WIZ: variants seen among roughly 807,000 people sequenced by gnomAD.
WIZ encodes the protein WIZ zinc finger.
Under a neutral mutation model 140.2 loss-of-function variants are expected in WIZ, and 25 were observed. The ratio of observed to expected loss-of-function variants is 0.18; its 90% CI spans 0.13 to 0.25. WIZ has a LOEUF of 0.25. Among genes scored for constraint, WIZ ranks in the 10% least tolerant of loss-of-function variants. WIZ has a pLI of 1.00. For synonymous variants in WIZ, 1,125 were observed against 1,154.3 expected (o/e 0.97, Z 0.51); for missense variants, 2,231 against 2,632.6 (o/e 0.85, Z 3.34).
intron 5 of WIZ, chr19:15,433,098 C>T (rs916731795): frequency 6.8e-6 from 2 of 292,840 alleles, no homozygotes; most frequent in Admixed American, 6.5e-5. Context: ...TAGGACCTGC[C>T]CTAGGACCCT....
rs1054025671 is a variant in WIZ at position 15,442,048 on chromosome 19, A to C, written c.278+628T>G. 2.0e-5 allele frequency among the ~76,000 whole-genome samples: 3 copies of C among 152,128 alleles called. No homozygotes were observed. The highest frequency in any genetic ancestry group is 7.2e-5 in the African/African-American group (3 of 41,422). ...CTAAAAATACAAAAACTATCTGGGC[A>C]TGGTGGCAGGTGCCTATAATCCCAG... On this transcript the variant is annotated intron_variant, in intron 3 of 12. Coordinates refer to ENST00000673675, the MANE Select transcript of WIZ (RefSeq NM_001371589.1). The surrounding 1 kb of genome is among the most constrained non-coding windows in gnomAD (Gnocchi z 5.5).
At chr19:15,447,518 G>A (rs1328042944) in intron 2 of WIZ, among the ~76,000 whole-genome samples, 3 of 152,248 alleles carry the variant, frequency 2.0e-5, no homozygotes, top group African/African-American at 7.2e-5. Context: ...GTTTACAGCT[G>A]TCTTCCCAGT....
Position 15,425,694 on chromosome 19 carries a change from A to C in WIZ, c.4441T>G (p.Ser1481Ala), listed in dbSNP as rs1599651404. 5 of 1,612,570 alleles carry C rather than the reference A, an allele frequency of 3.1e-6. No homozygotes were observed. Among genetic ancestry groups the C allele is most frequent in the Non-Finnish European group, 4.2e-6 (5 of 1,179,714 alleles). Residue 1481 changes from serine to alanine, a missense_variant, in exon 10 of 13, where the codon TCG becomes GCG. This residue lies in a region of WIZ where 393 missense variants were observed against 451.7 expected (regional missense o/e 0.87). Coordinates refer to ENST00000673675, the MANE Select transcript of WIZ (RefSeq NM_001371589.1). ...GEFFENRKGL[S>A]SHARSHLRQM... ...CGCAGGTGTGAGCGCGCGTGACTCG[A>C]CAGGCCCTTGCGGTTCTCGAAGAAC...
In WIZ at chr19:15,442,887, C is replaced by A; in HGVS notation, c.206-139G>T. The A allele has an allele frequency of 2.3e-6, 1 of 440,646 alleles. No homozygotes were observed. Among genetic ancestry groups the A allele is most frequent in the Non-Finnish European group, 3.8e-6 (1 of 265,400 alleles). 27.3% of individuals were successfully genotyped at this position (440,646 alleles called of 1,614,324 possible). A position where few individuals can be genotyped will look rare whatever the true frequency, so the allele number is the denominator to read the frequency against. ...TTCCTCTCCCTGAGAGGCCCGTGGC[C>A]TCTGTGGTCCTGAGCCCTGAAAGGG... On this transcript the variant is annotated intron_variant, in intron 2 of 12. Transcript: ENST00000673675. This position sits in a 1 kb window ranked among gnomAD's most constrained non-coding sequence, Gnocchi z 5.5.
Position 15,442,538 on chromosome 19 carries a change from G to A in WIZ, c.278+138C>T, listed in dbSNP as rs558646733. On this transcript the variant is annotated intron_variant, in intron 3 of 12. Transcript: ENST00000673675. The surrounding 1 kb of genome is among the most constrained non-coding windows in gnomAD (Gnocchi z 5.5). ...GCACACGCCCAGGGGCTTGCCTGCC[G>A]GGAGCTGACTCCTCCTCCTGCCTGG... is the stretch of plus-strand genomic sequence containing the variant. 6 of 598,798 alleles carry A rather than the reference G, an allele frequency of 1.0e-5. No homozygotes were observed. The highest frequency in any genetic ancestry group is 1.2e-5 in the Non-Finnish European group (5 of 410,804). 37.1% of individuals were successfully genotyped at this position (598,798 alleles called of 1,614,324 possible).
In WIZ at chr19:15,429,702, C is replaced by A; in HGVS notation, c.3299G>T (p.Gly1100Val). The change falls in exon 7 of 13, where the codon GGC (glycine) becomes GTC (valine). Residue 1100 changes from glycine to valine, a missense_variant. By Grantham distance (109) the Gly-to-Val change is moderately radical. Around this residue, in one of 15 missense-constraint regions of WIZ, gnomAD observed 163 missense variants for 166.8 expected, o/e 0.98. Transcript: ENST00000673675. ...LLKKTPLALAGSPTPKNPEDK... is the reference protein window; with the variant it reads ...LLKKTPLALAVSPTPKNPEDK... Reference sequence around the variant, plus strand: ...CTCAGGATTCTTAGGGGTAGGGGAGCCCGCCAGGGCCAGTGGTGTCTTTTT... The same window carrying A: ...CTCAGGATTCTTAGGGGTAGGGGAGACCGCCAGGGCCAGTGGTGTCTTTTT... The A allele has an allele frequency of 6.9e-7, 1 of 1,442,962 alleles. No individual in the cohort carries two copies. The highest frequency in any genetic ancestry group is 9.1e-7 in the Non-Finnish European group (1 of 1,101,490). The allele number at this position is 1,442,962 out of a possible 1,614,324, so 89.4% of individuals were successfully genotyped here.
chr19:15,427,161 G>C lies in WIZ; in HGVS notation c.4187C>G (p.Pro1396Arg). The C allele has an allele frequency of 6.2e-7, 1 of 1,614,198 alleles. No individual in the cohort carries two copies. The highest frequency in any genetic ancestry group is 8.5e-7 in the Non-Finnish European group (1 of 1,180,030). ...LGHSPTASPP[P>R]TARKMFPGLA... is the part of the protein sequence containing the mutation. Reference sequence around the variant, plus strand: ...GCCTGGGAACATCTTTCGGGCCGTAGGAGGAGGAGAGGCAGTTGGTGAGTG... The same window carrying C: ...GCCTGGGAACATCTTTCGGGCCGTACGAGGAGGAGAGGCAGTTGGTGAGTG... Residue 1396 changes from proline (P) to arginine (R), a missense_variant, in exon 9 of 13, where the codon CCT becomes CGT. Physicochemically the swap from Pro to Arg is moderately radical, Grantham distance 103. Around this residue, in one of 15 missense-constraint regions of WIZ, gnomAD observed 393 missense variants for 451.7 expected, o/e 0.87. Coordinates refer to ENST00000673675, the MANE Select transcript of WIZ (RefSeq NM_001371589.1). This position sits in a 1 kb window ranked among gnomAD's most constrained non-coding sequence, Gnocchi z 6.4.
Position 15,427,430 on chromosome 19 carries a change from T to C in WIZ, c.3918A>G (p.Gln1306=), listed in dbSNP as rs1474655162. The C allele has an allele frequency of 1.9e-6, 3 of 1,613,578 alleles. No individual in the cohort carries two copies. Among genetic ancestry groups the C allele is most frequent in the Non-Finnish European group, 2.5e-6 (3 of 1,180,012 alleles). Residue 1306 remains glutamine, a synonymous_variant, in exon 9 of 13, where the codon CAA becomes CAG. Coordinates refer to ENST00000673675, the MANE Select transcript of WIZ (RefSeq NM_001371589.1). The surrounding 1 kb of genome is among the most constrained non-coding windows in gnomAD (Gnocchi z 6.4). The stretch of plus-strand genomic sequence containing the variant: ...TGACGTACCACTCGGTCACGCCCAT[T>C]TGCCGCAGATGGGAGCGCGCGTGGC... ...LSSHARSHLR[Q]MGVTEWYVNG...
rs539829691 is a variant in WIZ at position 15,440,368 on chromosome 19, G to A, written c.626C>T (p.Pro209Leu). 3.0e-4 allele frequency: 452 copies of A among 1,531,298 alleles called. 2 individuals carry two copies. In the African/African-American group the frequency reaches 4.7e-3, roughly 16 times the overall value. 94.9% of individuals were successfully genotyped at this position (1,531,298 alleles called of 1,614,324 possible). Reference protein sequence around the residue: ...AGLHLDLPAQPPPLAPFRRVF... With the variant: ...AGLHLDLPAQLPPLAPFRRVF... Reference sequence around the variant, plus strand: ...CCTCCTGAAGGGGGCGAGGGGTGGCGGCTGGGCAGGCAGGTCCAAGTGCAG... The same window carrying A: ...CCTCCTGAAGGGGGCGAGGGGTGGCAGCTGGGCAGGCAGGTCCAAGTGCAG... Residue 209 changes from proline to leucine, a missense_variant, in exon 4 of 13, where the codon CCG becomes CTG. Coordinates refer to ENST00000673675, the MANE Select transcript of WIZ (RefSeq NM_001371589.1). The surrounding 1 kb of genome is among the most constrained non-coding windows in gnomAD (Gnocchi z 6.2).
Position 15,427,561 on chromosome 19 carries a change from A to G in WIZ, c.3815-28T>C. On this transcript the variant is annotated intron_variant, in intron 8 of 12. Coordinates refer to ENST00000673675, the MANE Select transcript of WIZ (RefSeq NM_001371589.1). This position sits in a 1 kb window ranked among gnomAD's most constrained non-coding sequence, Gnocchi z 6.4. ...GCAGCAGGAGGAGAAAGGGGCAGTT[A>G]GCATCGTGGAACTGCCAGCATGGTC... 1.3e-6 allele frequency: 2 copies of G among 1,583,452 alleles called. No homozygotes were observed. Among genetic ancestry groups the G allele is most frequent in the Non-Finnish European group, 1.7e-6 (2 of 1,163,300 alleles).
chr19:15,447,724 C>T (rs149741106), intron 2 of WIZ, among the ~76,000 whole-genome samples: 2 of 152,174 alleles, frequency 1.3e-5, no homozygotes, highest in African/African-American at 4.8e-5. Context: ...TACACCCAGA[C>T]AGCCAGAGGG....
At chr19:15,433,295 C>G (rs1413908226) in intron 5 of WIZ, 1 of 985,368 alleles carries the variant, frequency 1.0e-6, no homozygotes, top group Admixed American at 6.1e-5. Flanking sequence ...GCTTCTCTCT[C>G]CGATTGTCCC....
At chr19:15,437,973 GC>G (rs1175720294) in intron 4 of WIZ, among the ~76,000 whole-genome samples, 1 of 151,790 alleles carries the variant, frequency 6.6e-6, no homozygotes, top group East Asian at 1.9e-4. Flanking sequence ...GTCACCCCTT[GC>G]CCCCAACCCC....
At chr19:15,436,482 G>T (rs1427136165) in intron 5 of WIZ, 4 of 267,928 alleles carry the variant, frequency 1.5e-5, no homozygotes, top group African/African-American at 8.9e-5. Context: ...GGATTGTTGT[G>T]AGGATGTAAA....
At position 15,427,173 on chromosome 19, in the gene WIZ, G is replaced by C. The variant is rs201823033; in HGVS notation, c.4175C>G (p.Ala1392Gly). 2.5e-6 allele frequency: 4 copies of C among 1,614,224 alleles called. No individual in the cohort carries two copies. The highest frequency in any genetic ancestry group is 2.7e-5 in the African/African-American group (2 of 75,056). Residue 1392 changes from alanine (A) to glycine (G), a missense_variant, in exon 9 of 13, where the codon GCC (alanine) becomes GGC (glycine). Physicochemically the swap from Ala to Gly is moderately conservative, Grantham distance 60. This residue lies in a region of WIZ where 393 missense variants were observed against 451.7 expected (regional missense o/e 0.87). Coordinates refer to ENST00000673675, the MANE Select transcript of WIZ (RefSeq NM_001371589.1). The surrounding 1 kb of genome is among the most constrained non-coding windows in gnomAD (Gnocchi z 6.4). ...CTTTCGGGCCGTAGGAGGAGGAGAG[G>C]CAGTTGGTGAGTGGCCCAGGGGGCT... is the stretch of plus-strand genomic sequence containing the variant. ...PGSPLGHSPT[A>G]SPPPTARKMF... is the part of the protein sequence containing the mutation.
In WIZ at chr19:15,420,164, TATAAG is replaced by T. The variant is rs1490815969; in HGVS notation, c.*2907_*2911del. On this transcript the variant is annotated 3_prime_UTR_variant, in exon 13 of 13. Transcript: ENST00000673675. ...GAGAGAGGAGGAGGAAGCAAGGAGC[TATAAG>T]ATAAATCTCTGACAGCTGAAGACAT... 6.6e-6 allele frequency: 1 copy of T among 152,238 alleles called. No individual in the cohort carries two copies. Among genetic ancestry groups the T allele is most frequent in the African/African-American group, 2.4e-5 (1 of 41,446 alleles). The allele number at this position is 152,238 out of a possible 1,614,324, so 9.4% of individuals were successfully genotyped here.
At position 15,425,398 on chromosome 19, in the gene WIZ, C is replaced by T. The variant is rs1311754052; in HGVS notation, c.4737G>A (p.Gly1579=). ...PRELSLTPIT[G]AKPSATGYLG... ...GGTAGCCAGTGGCTGAGGGCTTGGC[C>T]CCAGTGATGGGCGTCAGGCTGAGCT... The change falls in exon 10 of 13, where the codon GGG becomes GGA. Residue 1579 remains glycine, a synonymous_variant. Coordinates refer to ENST00000673675, the MANE Select transcript of WIZ (RefSeq NM_001371589.1). 1 of 1,557,344 alleles carries T rather than the reference C, an allele frequency of 6.4e-7. No homozygotes were observed. The highest frequency in any genetic ancestry group is 8.7e-7 in the Non-Finnish European group (1 of 1,150,596).
chr19:15,425,192 G>A, intron 10 of WIZ, 49 bp downstream of exon 10: 1 of 1,549,774 alleles, frequency 6.5e-7, no homozygotes, highest in Non-Finnish European at 8.7e-7. Flanking sequence ...TGCCTGGCCT[G>A]GCAGGCCCTG....
chr19:15,429,481 A>ACCCCCCCC, intron 7 of WIZ, 105 bp downstream of exon 7: 11 of 774,576 alleles, frequency 1.4e-5, no homozygotes, highest in Middle Eastern at 4.2e-4. Context: ...TGTAGTCCCC[A>ACCCCCCCC]CCGCCCCCAC....
Sources: allele counts gnomAD v4.1 joint callset (sites outside exome capture counted in the v4.1 genomes callset), GRCh38; gene constraint gnomAD v4.1.1; regional missense constraint gnomAD v4.1.1; non-coding constraint Gnocchi (gnomAD v3.1); transcripts MANE v1.5; gene names NCBI Gene and HGNC (gene_info 2026-07-23, HGNC 2026-07-21).